CCDC51: variants seen among roughly 807,000 people sequenced by gnomAD.
The protein encoded by CCDC51 is coiled-coil domain containing 51.
CCDC51 carries 25 observed loss-of-function variants against 24.8 expected under a neutral mutation model. The observed-to-expected ratio is 1.01, with a 90% CI of 0.73 to 1.41. The LOEUF (loss-of-function observed/expected upper bound fraction) is 1.41, where lower values mean the gene tolerates loss of function less well. Among genes scored for constraint, CCDC51 ranks in the 40% most tolerant of loss-of-function variants. CCDC51 has a pLI of 0.00. For missense variants in CCDC51, 466 were observed against 519.1 expected (o/e 0.90, Z 0.99); for synonymous variants, 190 against 204.3 (o/e 0.93, Z 0.60).
chr3:48,443,132 C>T (rs1282929845), upstream of CCDC51, among the ~76,000 whole-genome samples: 3 of 150,496 alleles, frequency 2.0e-5, no homozygotes, highest in Non-Finnish European at 4.4e-5. Context: ...CCCAGCTACT[C>T]GGAAGGCTCA....
At chr3:48,439,889 T>C in intron 1 of CCDC51, 99 bp downstream of exon 1, 1 of 281,848 alleles carries the variant, frequency 3.5e-6, no homozygotes, top group Non-Finnish European at 6.7e-6. Context: ...TTCTGCCATC[T>C]CCCCGCCTAA....
upstream of CCDC51, chr3:48,440,621 G>T: frequency 6.2e-7 from 1 of 1,611,190 alleles, no homozygotes; most frequent in Non-Finnish European, 8.5e-7. Flanking sequence ...CGGGGAAGGG[G>T]CCCTTGGGTA....
In CCDC51 at chr3:48,440,050, T is replaced by G. The variant is rs2039513693; in HGVS notation, c.-71A>C. 2 of 619,672 alleles carry G rather than the reference T, an allele frequency of 3.2e-6. No homozygotes were observed. The highest frequency in any genetic ancestry group is 1.8e-5 in the African/African-American group (1 of 54,282). 38.4% of individuals were successfully genotyped at this position (619,672 alleles called of 1,614,324 possible). ...AGGCCGTCCGGTTAAGTACCCCTCCTACGGTTCCGATTCTACCCTGGCAGG... is the reference window on the plus strand; with the variant it reads ...AGGCCGTCCGGTTAAGTACCCCTCCGACGGTTCCGATTCTACCCTGGCAGG... On this transcript the variant is annotated 5_prime_UTR_variant, in exon 1 of 4. Transcript: ENST00000395694.
intron 2 of CCDC51, 149 bp from the exon 3 acceptor site, chr3:48,434,020 T>G: frequency 7.0e-7 from 1 of 1,431,696 alleles, no homozygotes. Context: ...TAATCCTGGC[T>G]CACCCAGTGG....
chr3:48,435,187 A>C lies in CCDC51; in HGVS notation c.-8-51T>G. On this transcript the variant is annotated intron_variant, in intron 1 of 3. Transcript: ENST00000395694. The surrounding 1 kb of genome is among the most constrained non-coding windows in gnomAD (Gnocchi z 4.2). ...AGCTCACAGCTGAGAAAGGCTGGAC[A>C]TAAGTCAGTTTTGAGGCCTAGGGAC... is the stretch of plus-strand genomic sequence containing the variant. 1 of 1,468,258 alleles carries C rather than the reference A, an allele frequency of 6.8e-7. No individual in the cohort carries two copies. Among genetic ancestry groups the C allele is most frequent in the Non-Finnish European group, 9.1e-7 (1 of 1,099,664 alleles). The allele number at this position is 1,468,258 out of a possible 1,614,324, so 91.0% of individuals were successfully genotyped here.
At position 48,433,640 on chromosome 3, in the gene CCDC51, C is replaced by T; in HGVS notation, c.477+67G>A. 1 of 1,538,596 alleles carries T rather than the reference C, an allele frequency of 6.5e-7. No homozygotes were observed. Among genetic ancestry groups the T allele is most frequent in the Non-Finnish European group, 8.8e-7 (1 of 1,131,360 alleles). On this transcript the variant is annotated intron_variant, in intron 3 of 3. Coordinates refer to ENST00000395694, the MANE Select transcript of CCDC51 (RefSeq NM_001256964.2). The surrounding 1 kb of genome is among the most constrained non-coding windows in gnomAD (Gnocchi z 4.4). ...AGACCAGTCAGGGTTCCCACCCGGC[C>T]CCTCCATGATCTGCCAGGCTAGGGT...
chr3:48,443,969 C>T (rs945114276), upstream of CCDC51: 5 of 966,688 alleles, frequency 5.2e-6, no homozygotes, highest in Non-Finnish European at 5.7e-6. Context: ...TCTTTTGCCA[C>T]GTATAGCTGG....
chr3:48,436,122 A>C (rs1376781258), intron 1 of CCDC51, among the ~76,000 whole-genome samples: 1 of 152,176 alleles, frequency 6.6e-6, no homozygotes, highest in East Asian at 1.9e-4. Flanking sequence ...AAGCTGAGCC[A>C]ACAGCACCCT....
upstream of CCDC51, chr3:48,440,624 C>G: frequency 6.2e-7 from 1 of 1,610,940 alleles, no homozygotes; most frequent in Non-Finnish European, 8.5e-7. Flanking sequence ...GGAAGGGGCC[C>G]TTGGGTAAGT....
At position 48,435,262 on chromosome 3, in the gene CCDC51, C is replaced by T; in HGVS notation, c.-8-126G>A. 1 of 759,268 alleles carries T rather than the reference C, an allele frequency of 1.3e-6. No homozygotes were observed. The highest frequency in any genetic ancestry group is 2.0e-5 in the South Asian group (1 of 49,080). 47.0% of individuals were successfully genotyped at this position (759,268 alleles called of 1,614,324 possible). A position where few individuals can be genotyped will look rare whatever the true frequency, so the allele number is the denominator to read the frequency against. On this transcript the variant is annotated intron_variant, in intron 1 of 3. Transcript: ENST00000395694. This position sits in a 1 kb window ranked among gnomAD's most constrained non-coding sequence, Gnocchi z 4.2. ...TCAAATCATCTAAACTGAGCACCAC[C>T]CTGTTGGGCCCAGAGACTGTGGCCC...
chr3:48,444,907 GCTCA>G (rs1474554345), upstream of CCDC51: 3 of 152,254 alleles, frequency 2.0e-5, no homozygotes, highest in Non-Finnish European at 4.4e-5. Context: ...CAAAATGGGG[GCTCA>G]CTCTACCTCC....
intron 1 of CCDC51, among the ~76,000 whole-genome samples, chr3:48,436,908 AG>A (rs1478045279): frequency 6.6e-6 from 1 of 152,182 alleles, no homozygotes; most frequent in Non-Finnish European, 1.5e-5. Context: ...TGGCAGCCCA[AG>A]GCCCTGTAAC....
the CCDC51 span, among the ~76,000 whole-genome samples, chr3:48,445,629 C>T: frequency 2.6e-5 from 4 of 152,212 alleles, no homozygotes; most frequent in Non-Finnish European, 5.9e-5. Context: ...AAGCATGCAA[C>T]ACTTGGGAAG....
At position 48,437,377 on chromosome 3, in the gene CCDC51, C is replaced by T. The variant is rs139260899; in HGVS notation, c.-8-2241G>A. ...GCCTCTCCACCATCCCACCAGCCCC[C>T]AACCCTGGGCCCTGTTTCTCAGCCC... On this transcript the variant is annotated intron_variant, in intron 1 of 3. Transcript: ENST00000395694. The surrounding 1 kb of genome is among the most constrained non-coding windows in gnomAD (Gnocchi z 4.2). Among the ~76,000 whole-genome samples the T allele has an allele frequency of 4.9e-3, 741 of 152,204 alleles. 5 individuals carry two copies. The highest frequency in any genetic ancestry group is 0.017 in the African/African-American group (704 of 41,504).
chr3:48,432,309 T>C lies in CCDC51; in HGVS notation c.*99A>G, dbSNP rs1162425069. On this transcript the variant is annotated 3_prime_UTR_variant, in exon 4 of 4. Transcript: ENST00000395694. The stretch of plus-strand genomic sequence containing the variant: ...CAGATACTGCTCCTTCAGATTGAGG[T>C]TGTACATGCCCCCAAAGGCTCGCTT... The C allele has an allele frequency of 2.1e-6, 3 of 1,418,674 alleles. No individual in the cohort carries two copies. Among genetic ancestry groups the C allele is most frequent in the East Asian group, 4.6e-5 (2 of 43,086 alleles). 87.9% of individuals were successfully genotyped at this position (1,418,674 alleles called of 1,614,324 possible).
Position 48,432,464 on chromosome 3 carries a change from A to T in CCDC51, c.1180T>A (p.Cys394Ser), listed in dbSNP as rs1169796126. The change falls in exon 4 of 4, where the codon TGT (cysteine) becomes AGT (serine). Residue 394 changes from cysteine to serine, a missense_variant. By Grantham distance (112) the Cys-to-Ser change is moderately radical. Transcript: ENST00000395694. ...GGCAGTGTGGCCACAAATGTCACAC[A>T]GGTGACCAGGGTGCTATAGATGGTG... Reference protein sequence around the residue: ...RNTIYSTLVTCVTFVATLPVL... With the variant: ...RNTIYSTLVTSVTFVATLPVL... 4 of 1,614,140 alleles carry T rather than the reference A, an allele frequency of 2.5e-6. No homozygotes were observed. The highest frequency in any genetic ancestry group is 3.4e-6 in the Non-Finnish European group (4 of 1,180,054).
At chr3:48,436,814 C>G (rs575357370) in intron 1 of CCDC51, among the ~76,000 whole-genome samples, 6 of 152,366 alleles carry the variant, frequency 3.9e-5, no homozygotes, top group African/African-American at 1.4e-4. Context: ...CAAAGTCACC[C>G]ATTCCTGGCA....
At position 48,435,109 on chromosome 3, in the gene CCDC51, C is replaced by G. The variant is rs1182048715; in HGVS notation, c.20G>C (p.Gly7Ala). 1 of 1,590,030 alleles carries G rather than the reference C, an allele frequency of 6.3e-7. No individual in the cohort carries two copies. Among genetic ancestry groups the G allele is most frequent in the East Asian group, 2.2e-5 (1 of 44,712 alleles). Residue 7 changes from glycine (G) to alanine (A), a missense_variant, in exon 2 of 4, where the codon GGG becomes GCG. By Grantham distance (60) the Gly-to-Ala change is moderately conservative (BLOSUM62 0). Coordinates refer to ENST00000395694, the MANE Select transcript of CCDC51 (RefSeq NM_001256964.2). The surrounding 1 kb of genome is among the most constrained non-coding windows in gnomAD (Gnocchi z 4.2). ...ACCCACGATGTGCTGCATGGCAAAC[C>G]CAGGGCTGCGCCCCATCATCCTGAG... is the stretch of plus-strand genomic sequence containing the variant. Reference protein sequence around the residue: MMGRSPGFAMQHIVGVP... With the variant: MMGRSPAFAMQHIVGVP...
rs867746959 is a variant in CCDC51 at position 48,434,726 on chromosome 3, G to A, written c.312+91C>T. ...ACGTGAGAAATGAGGCTAAACACAA[G>A]TCTGGATGTGGCTACCCAGCACCAC... On this transcript the variant is annotated intron_variant, in intron 2 of 3. Transcript: ENST00000395694. 4.9e-5 allele frequency: 59 copies of A among 1,198,966 alleles called. No individual in the cohort carries two copies. The Middle Eastern group carries it at 3.0e-3, about 61-fold the overall frequency. The allele number at this position is 1,198,966 out of a possible 1,614,324, so 74.3% of individuals were successfully genotyped here.
Sources: gnomAD v4.1 joint callset for allele counts (sites outside exome capture counted in the v4.1 genomes callset) on GRCh38, gnomAD v4.1.1 for gene constraint, Gnocchi (gnomAD v3.1) non-coding constraint, MANE v1.5 for transcripts, NCBI Gene and HGNC (gene_info 2026-07-23, HGNC 2026-07-21) for gene names.